STK24: variants seen among roughly 807,000 people sequenced by gnomAD.
STK24 encodes serine/threonine-protein kinase 24.
A neutral mutation model predicts 55.6 loss-of-function variants in STK24; 21 were observed. That is an observed-to-expected ratio of 0.38 (90% CI 0.27 to 0.54). The LOEUF is 0.54. Ranked by LOEUF, STK24 falls within the 20% of genes least tolerant of loss-of-function variation. The probability of loss-of-function intolerance (pLI) is 0.79; values close to 1 mark genes in which losing one functional copy is unlikely to be tolerated. For missense variants in STK24, 383 were observed against 538.4 expected, an observed-to-expected ratio of 0.71 and a Z score of 2.86; for synonymous variants, 200 against 215.2, an observed-to-expected ratio of 0.93 and a Z score of 0.62.
chr13:98,504,818 T>C (rs1895628369), intron 2 of STK24, among the ~76,000 whole-genome samples: 1 of 152,178 alleles, frequency 6.6e-6, no homozygotes, highest in East Asian at 1.9e-4. Flanking sequence ...CAGCCTCCAG[T>C]ACTCCATCCA....
chr13:98,542,680 G>A (rs144276287), intron 1 of STK24, among the ~76,000 whole-genome samples: 3 of 151,428 alleles, frequency 2.0e-5, no homozygotes, highest in African/African-American at 7.4e-5. Context: ...CGGGTTTCCC[G>A]GTTCCTAGGT....
chr13:98,514,297 T>G (rs1432721655), intron 2 of STK24, among the ~76,000 whole-genome samples: 1 of 152,244 alleles, frequency 6.6e-6, no homozygotes, highest in Non-Finnish European at 1.5e-5. Context: ...TTTTACTCTT[T>G]TCCCCAAGGA....
At chr13:98,504,215 C>A (rs1359749524) in intron 2 of STK24, among the ~76,000 whole-genome samples, 6 of 149,738 alleles carry the variant, frequency 4.0e-5, no homozygotes, top group South Asian at 4.2e-4. Context: ...AAAAAAAAAA[C>A]AAACTTTAAA....
chr13:98,569,902 A>C (rs1594678198), intron 1 of STK24, among the ~76,000 whole-genome samples: 1 of 141,394 alleles, frequency 7.1e-6, no homozygotes, highest in Admixed American at 7.2e-5. Flanking sequence ...TTTGAGATGG[A>C]GTTTCACTCT....
chr13:98,494,538 C>T (rs529267154), intron 2 of STK24, among the ~76,000 whole-genome samples: 94 of 152,110 alleles, frequency 6.2e-4, no homozygotes, highest in Non-Finnish European at 1.2e-3. Context: ...ATTTCCACTG[C>T]CATGTATGGG....
chr13:98,523,054 T>C (rs1457277584), intron 1 of STK24, among the ~76,000 whole-genome samples: 1 of 152,128 alleles, frequency 6.6e-6, no homozygotes, highest in East Asian at 1.9e-4. Context: ...CAGAGCCCCA[T>C]CCTACGAAGA....
At chr13:98,521,900 CCTT>C in intron 1 of STK24, 1 of 944,024 alleles carries the variant, frequency 1.1e-6, no homozygotes, top group Middle Eastern at 2.1e-4. Flanking sequence ...CCTTCTCGCT[CCTT>C]CTTCCATTCA....
chr13:98,537,527 C>T (rs921759216), intron 1 of STK24, among the ~76,000 whole-genome samples: 3 of 152,126 alleles, frequency 2.0e-5, no homozygotes, highest in Non-Finnish European at 2.9e-5. Context: ...GACTAAGGAC[C>T]GGGCCACGCA....
intron 10 of STK24, chr13:98,454,111 A>G (rs966623766): frequency 6.6e-6 from 1 of 152,244 alleles, no homozygotes; most frequent in African/African-American, 2.4e-5. Context: ...ATTAAGTACT[A>G]TAGAAATTCT....
At chr13:98,554,175 T>C (rs1418487818) in intron 1 of STK24, among the ~76,000 whole-genome samples, 1 of 151,460 alleles carries the variant, frequency 6.6e-6, no homozygotes, top group African/African-American at 2.4e-5. Context: ...AAGCCCCCCA[T>C]ATGCAACTTA....
In STK24 at chr13:98,452,267, C is replaced by T. The variant is rs1486792746; in HGVS notation, c.*906G>A. The stretch of plus-strand genomic sequence containing the variant: ...CAACAGAAAATCGTATTGGAAAGGA[C>T]GGTACATCTGGCGCAGACCAGCAGT... On this transcript the variant is annotated 3_prime_UTR_variant, in exon 11 of 11. Coordinates refer to ENST00000539966, the MANE Select transcript of STK24 (RefSeq NM_001032296.4). 1.3e-5 allele frequency: 2 copies of T among 152,304 alleles called. No individual in the cohort carries two copies. Among genetic ancestry groups the T allele is most frequent in the African/African-American group, 4.8e-5 (2 of 41,440 alleles). The allele number at this position is 152,304 out of a possible 1,614,324, so 9.4% of individuals were successfully genotyped here. A position where few individuals can be genotyped will look rare whatever the true frequency, so the allele number is the denominator to read the frequency against.
chr13:98,465,113 G>A (rs1893879584), intron 6 of STK24, among the ~76,000 whole-genome samples: 2 of 152,184 alleles, frequency 1.3e-5, no homozygotes, highest in Non-Finnish European at 2.9e-5. Flanking sequence ...TGCTTCCCAA[G>A]GAAACCAGCA....
At chr13:98,520,291 G>A (rs1896213847) in intron 1 of STK24, among the ~76,000 whole-genome samples, 1 of 152,162 alleles carries the variant, frequency 6.6e-6, no homozygotes, top group Non-Finnish European at 1.5e-5. Context: ...CAGGGACGCT[G>A]CATATCTCCC....
chr13:98,471,780 A>G (rs1292648554), intron 5 of STK24, among the ~76,000 whole-genome samples: 1 of 152,192 alleles, frequency 6.6e-6, no homozygotes, highest in East Asian at 1.9e-4. Flanking sequence ...GAAGCTAGTG[A>G]GGCAGGTGAA....
At chr13:98,524,486 C>T (rs1468619283) in intron 1 of STK24, among the ~76,000 whole-genome samples, 1 of 152,212 alleles carries the variant, frequency 6.6e-6, no homozygotes, top group African/African-American at 2.4e-5. Flanking sequence ...TGGGGCGAGA[C>T]ACGCAGCCTT....
rs146935345 is a variant in STK24 at position 98,545,417 on chromosome 13, C to T, written c.43-25944G>A. ...ATCCCGGCACTTTGGGAGGCCGAGG[C>T]GGGTGGATCACGAGGTCAGGAGATC... On this transcript the variant is annotated intron_variant, in intron 1 of 10. Transcript: ENST00000539966. 5.4e-4 allele frequency among the ~76,000 whole-genome samples: 82 copies of T among 152,142 alleles called. 1 individual carries two copies. The highest frequency in any genetic ancestry group is 1.9e-3 in the African/African-American group (77 of 41,518).
At position 98,466,264 on chromosome 13, in the gene STK24, A is replaced by G. The variant is rs570204935; in HGVS notation, c.783+112T>C. On this transcript the variant is annotated intron_variant, in intron 6 of 10. Coordinates refer to ENST00000539966, the MANE Select transcript of STK24 (RefSeq NM_001032296.4). ...TACTTACTTAGAAAAAGAAAAATGA[A>G]TAATACCAGGAAGACAGCTGAAAAG... 6.4e-4 allele frequency: 680 copies of G among 1,060,676 alleles called. 3 individuals are homozygous for G. The highest frequency in any genetic ancestry group is 6.7e-4 in the Non-Finnish European group (527 of 782,744). The allele number at this position is 1,060,676 out of a possible 1,614,324, so 65.7% of individuals were successfully genotyped here. A position where few individuals can be genotyped will look rare whatever the true frequency, so the allele number is the denominator to read the frequency against.
intron 2 of STK24, among the ~76,000 whole-genome samples, chr13:98,496,896 CA>C (rs1895270504): frequency 6.6e-6 from 1 of 152,156 alleles, no homozygotes; most frequent in African/African-American, 2.4e-5. Context: ...CCTAAGAAAA[CA>C]ACGCAGAGAA....
chr13:98,469,733 G>A (rs1894072274), intron 5 of STK24, among the ~76,000 whole-genome samples: 1 of 151,988 alleles, frequency 6.6e-6, no homozygotes, highest in South Asian at 2.1e-4. Flanking sequence ...TAGTCTAAAG[G>A]GATCTCTTCT....
Sources: allele counts gnomAD v4.1 joint callset (sites outside exome capture counted in the v4.1 genomes callset), GRCh38; gene constraint gnomAD v4.1.1; transcripts MANE v1.5; gene names NCBI Gene and HGNC (gene_info 2026-07-23, HGNC 2026-07-21).